SLC17A5: variants seen among roughly 807,000 people sequenced by gnomAD.
SLC17A5 encodes the protein sialin.
A neutral mutation model predicts 59.4 loss-of-function variants in SLC17A5; 47 were observed. That is an observed-to-expected ratio of 0.79 (90% CI 0.63 to 1.01). The LOEUF (loss-of-function observed/expected upper bound fraction) is 1.01. Among genes scored for constraint, SLC17A5 ranks in the 50% least tolerant of loss-of-function variants. SLC17A5 has a pLI of 0.00. For synonymous variants in SLC17A5, 202 were observed against 210.7 expected (o/e 0.96, Z 0.36); for missense variants, 522 against 595.5 (o/e 0.88, Z 1.28).
At chr6:73,630,683 CA>C (rs952921208) in intron 6 of SLC17A5, among the ~76,000 whole-genome samples, 4 of 152,060 alleles carry the variant, frequency 2.6e-5, no homozygotes, top group African/African-American at 9.7e-5. Flanking sequence ...ACCCAACAGC[CA>C]CATTTCCTAG....
At chr6:73,623,662 T>TTATA (rs1405918135) in intron 6 of SLC17A5, among the ~76,000 whole-genome samples, 30 of 136,758 alleles carry the variant, frequency 2.2e-4, no homozygotes, top group Admixed American at 6.0e-4. Flanking sequence ...TGTCTTTTAT[T>TTATA]TTTATTTATT....
intron 10 of SLC17A5, among the ~76,000 whole-genome samples, chr6:73,598,369 G>T (rs1322671299): frequency 6.6e-6 from 1 of 152,236 alleles, no homozygotes; most frequent in East Asian, 1.9e-4. Context: ...GGTGGCTCAT[G>T]CCTGATATCC....
At chr6:73,606,656 C>T (rs1767404486) in intron 9 of SLC17A5, among the ~76,000 whole-genome samples, 1 of 152,140 alleles carries the variant, frequency 6.6e-6, no homozygotes, top group African/African-American at 2.4e-5. Context: ...ATGACATGAC[C>T]CACCATCATC....
At chr6:73,600,203 C>T (rs1049203220) in intron 10 of SLC17A5, 148 bp downstream of exon 10, 2 of 686,558 alleles carry the variant, frequency 2.9e-6, no homozygotes, top group East Asian at 2.7e-5. Flanking sequence ...AATATACTTT[C>T]CCATCCATTA....
chr6:73,609,548 TG>T (rs34234164), intron 9 of SLC17A5, among the ~76,000 whole-genome samples: 16,336 of 152,148 alleles, frequency 0.11, 1,056 homozygotes, highest in Middle Eastern at 0.18. Flanking sequence ...ACAAATCAAT[TG>T]GGTCTACTCT....
intron 3 of SLC17A5, among the ~76,000 whole-genome samples, chr6:73,641,226 T>C (rs1449560308): frequency 6.6e-6 from 1 of 152,134 alleles, no homozygotes; most frequent in Non-Finnish European, 1.5e-5. Context: ...ATTACAGGTG[T>C]GCACCACCAT....
At chr6:73,637,718 A>G (rs868035516) in intron 4 of SLC17A5, among the ~76,000 whole-genome samples, 1 of 152,132 alleles carries the variant, frequency 6.6e-6, no homozygotes, top group African/African-American at 2.4e-5. Flanking sequence ...TTCTCCCTGC[A>G]TGAATGGTTT....
intron 6 of SLC17A5, among the ~76,000 whole-genome samples, chr6:73,634,002 A>T (rs911878531): frequency 1.2e-4 from 18 of 152,186 alleles, no homozygotes; most frequent in African/African-American, 4.3e-4. Context: ...TGCTGAAAAC[A>T]AACTGTGTAT....
At chr6:73,614,908 GA>G (rs1767787199) in intron 8 of SLC17A5, among the ~76,000 whole-genome samples, 1 of 152,180 alleles carries the variant, frequency 6.6e-6, no homozygotes, top group East Asian at 1.9e-4. Context: ...TGAGTTCTCT[GA>G]GATGCTCTAG....
At chr6:73,638,552 T>C in intron 3 of SLC17A5, 53 bp from the exon 4 acceptor site, 3 of 1,348,066 alleles carry the variant, frequency 2.2e-6, no homozygotes, top group East Asian at 2.3e-5. Context: ...GTTTTGTTAA[T>C]GCTTTAAAGT....
intron 10 of SLC17A5, among the ~76,000 whole-genome samples, chr6:73,596,583 G>A (rs1363428112): frequency 2.0e-5 from 3 of 152,216 alleles, no homozygotes; most frequent in African/African-American, 7.2e-5. Flanking sequence ...ACGGCCGGGC[G>A]TGGTGGATCA....
chr6:73,610,073 G>A (rs1331342755), intron 9 of SLC17A5, among the ~76,000 whole-genome samples: 1 of 150,444 alleles, frequency 6.6e-6, no homozygotes, highest in Non-Finnish European at 1.5e-5. Flanking sequence ...TGCTCTTGTT[G>A]CCCAGGCTGA....
At chr6:73,636,078 G>A (rs1415941757) in intron 5 of SLC17A5, among the ~76,000 whole-genome samples, 1 of 152,058 alleles carries the variant, frequency 6.6e-6, no homozygotes. Flanking sequence ...TTGCCTATCA[G>A]GGTCTACCAG....
chr6:73,601,999 G>C (rs971974608), intron 9 of SLC17A5, among the ~76,000 whole-genome samples: 2 of 152,076 alleles, frequency 1.3e-5, no homozygotes, highest in African/African-American at 2.4e-5. Flanking sequence ...AATAGAAAGG[G>C]GGGAAAGGTG....
intron 1 of SLC17A5, chr6:73,653,012 C>T (rs994871822): frequency 2.0e-6 from 2 of 977,912 alleles, no homozygotes; most frequent in African/African-American, 1.8e-5. Flanking sequence ...TGCTTTATGA[C>T]GTACCTGCTT....
At chr6:73,607,705 T>A (rs1305221480) in intron 9 of SLC17A5, among the ~76,000 whole-genome samples, 2 of 152,144 alleles carry the variant, frequency 1.3e-5, no homozygotes, top group African/African-American at 4.8e-5. Flanking sequence ...CTTTCAGATT[T>A]ATTAAATGGT....
chr6:73,641,031 A>G (rs1258903832), intron 3 of SLC17A5, among the ~76,000 whole-genome samples: 1 of 152,204 alleles, frequency 6.6e-6, no homozygotes, highest in Admixed American at 6.5e-5. Context: ...TCAATGATAG[A>G]GCAGAGTTTA....
intron 10 of SLC17A5, among the ~76,000 whole-genome samples, chr6:73,595,933 C>CATAT (rs1215120613): frequency 1.1e-3 from 1 of 918 alleles, no homozygotes; most frequent in Admixed American, 0.014. Context: ...TATACATATA[C>CATAT]ATATATATAT....
At chr6:73,596,857 A>AAAAAC (rs57573396) in intron 10 of SLC17A5, among the ~76,000 whole-genome samples, 50 of 149,154 alleles carry the variant, frequency 3.4e-4, no homozygotes, top group African/African-American at 8.0e-4. Flanking sequence ...ACTCCCTCTC[A>AAAAAC]AAAACAAAAC....
Sources: allele counts gnomAD v4.1 joint callset (sites outside exome capture counted in the v4.1 genomes callset), GRCh38; gene constraint gnomAD v4.1.1; transcripts MANE v1.5; gene names NCBI Gene and HGNC (gene_info 2026-07-23, HGNC 2026-07-21).